The following MAP3K13 variants were observed in gnomAD, a reference collection of about 807,000 sequenced individuals.
The protein encoded by MAP3K13 is mitogen-activated protein kinase kinase kinase 13, also known as leucine zipper-bearing kinase.
MAP3K13 carries 52 observed loss-of-function variants against 104.0 expected under a neutral mutation model. The observed-to-expected ratio is 0.50, with a 90% CI of 0.40 to 0.63. MAP3K13 has a LOEUF of 0.63. Ranked by LOEUF, MAP3K13 falls within the 20% of genes least tolerant of loss-of-function variation. The pLI is 0.00. For synonymous variants in MAP3K13, 394 were observed against 442.2 expected (o/e 0.89, Z 1.37); for missense variants, 914 against 1,218.5 (o/e 0.75, Z 3.72).
Position 185,486,200 on chromosome 3 carries a change from G to T in MAP3K13, c.*3744G>T, listed in dbSNP as rs181163182. 1.3e-4 allele frequency: 20 copies of T among 151,986 alleles called. No homozygotes were observed. The East Asian group carries it at 3.9e-3, about 29-fold the overall frequency. 9.4% of individuals were successfully genotyped at this position (151,986 alleles called of 1,614,324 possible). ...CCCTGATACCTCGTAATTTTGATCA[G>T]TTTTTTTTGAATTCTCATCTTGATT... On this transcript the variant is annotated 3_prime_UTR_variant, in exon 14 of 14. Transcript: ENST00000265026.
At chr3:185,348,928 C>T (rs538274988) in intron 2 of MAP3K13, among the ~76,000 whole-genome samples, 38 of 151,008 alleles carry the variant, frequency 2.5e-4, no homozygotes, top group South Asian at 1.3e-3. Flanking sequence ...AACAAACAAA[C>T]AAATAAATAA....
intron 2 of MAP3K13, among the ~76,000 whole-genome samples, chr3:185,319,634 A>G (rs983919246): frequency 3.9e-5 from 6 of 152,238 alleles, no homozygotes; most frequent in Non-Finnish European, 7.3e-5. Flanking sequence ...TCTAGGCTAG[A>G]TACCAAATTG....
At chr3:185,414,429 C>T (rs1004595809) in intron 1 of MAP3K13, among the ~76,000 whole-genome samples, 1 of 152,180 alleles carries the variant, frequency 6.6e-6, no homozygotes, top group African/African-American at 2.4e-5. Flanking sequence ...TTTGATTCTA[C>T]TCTTACAAAC....
At chr3:185,368,649 T>C (rs191995865) in intron 1 of MAP3K13, among the ~76,000 whole-genome samples, 121 of 151,914 alleles carry the variant, frequency 8.0e-4, no homozygotes, top group Admixed American at 3.1e-3. Context: ...AGAGAATGAT[T>C]GAAGGGAATG....
At chr3:185,342,765 T>A (rs1722766853) in intron 2 of MAP3K13, among the ~76,000 whole-genome samples, 1 of 152,198 alleles carries the variant, frequency 6.6e-6, no homozygotes, top group Non-Finnish European at 1.5e-5. Flanking sequence ...TGCGTAACAA[T>A]ATAATCACAA....
intron 2 of MAP3K13, chr3:185,329,269 C>A: frequency 1.4e-6 from 1 of 702,744 alleles, no homozygotes; most frequent in Non-Finnish European, 2.6e-6. Flanking sequence ...TACCTAGTGC[C>A]GAGAGATTGT....
intron 2 of MAP3K13, among the ~76,000 whole-genome samples, chr3:185,341,854 A>C (rs1021663137): frequency 6.6e-6 from 1 of 152,244 alleles, no homozygotes; most frequent in Non-Finnish European, 1.5e-5. Flanking sequence ...CTGTTTTTAC[A>C]TGACAACAAC....
chr3:185,378,503 T>G (rs976783328), intron 1 of MAP3K13, among the ~76,000 whole-genome samples: 6 of 152,090 alleles, frequency 3.9e-5, no homozygotes, highest in African/African-American at 1.4e-4. Flanking sequence ...GGAATGAAAC[T>G]GTAAGCCAGA....
Position 185,454,626 on chromosome 3 carries a change from GAT to G in MAP3K13, c.1278+3240_1278+3241del, listed in dbSNP as rs1225020725. 1.6e-3 allele frequency among the ~76,000 whole-genome samples: 23 copies of G among 14,258 alleles called. 3 individuals carry two copies. The highest frequency in any genetic ancestry group is 2.0e-3 in the African/African-American group (17 of 8,322). The allele number at this position is 14,258 out of a possible 152,430, so 9.4% of individuals were successfully genotyped here. On this transcript the variant is annotated intron_variant, in intron 7 of 13. Coordinates refer to ENST00000265026, the MANE Select transcript of MAP3K13 (RefSeq NM_004721.5). ...TGAGATATATATGATATATATATGA[GAT>G]ATATATATGAGATATATATATGATA...
exon 2 of MAP3K13, chr3:185,285,533 A>G (rs1054943411): frequency 7.9e-7 from 1 of 1,271,336 alleles, no homozygotes; most frequent in Non-Finnish European, 1.1e-6. Flanking sequence ...AGAACACTGA[A>G]ATCTATGGAC....
rs975087756 is a variant in MAP3K13, at chr3:185,315,204, C to G, written c.-86+29561C>G. ...GGCGGAGGTTGCAGTGAGCTGAGATCGCACCACTGCACTCCAGCCTGGGTG... is the reference window on the plus strand; with the variant it reads ...GGCGGAGGTTGCAGTGAGCTGAGATGGCACCACTGCACTCCAGCCTGGGTG... On this transcript the variant is annotated intron_variant, in intron 2 of 14. Coordinates refer to the MAP3K13 transcript ENST00000424227. The surrounding 1 kb of genome is among the most constrained non-coding windows in gnomAD (Gnocchi z 4.3). 1.3e-5 allele frequency among the ~76,000 whole-genome samples: 2 copies of G among 151,816 alleles called. No individual in the cohort carries two copies. Among genetic ancestry groups the G allele is most frequent in the African/African-American group, 2.4e-5 (1 of 41,324 alleles).
chr3:185,360,308 A>T (rs1723548318), upstream of MAP3K13, among the ~76,000 whole-genome samples: 1 of 152,250 alleles, frequency 6.6e-6, no homozygotes, highest in African/African-American at 2.4e-5. Context: ...TACATTAAAA[A>T]TTCACTTCCT....
intron 2 of MAP3K13, among the ~76,000 whole-genome samples, chr3:185,304,498 G>C (rs1721211627): frequency 6.6e-6 from 1 of 152,096 alleles, no homozygotes; most frequent in Non-Finnish European, 1.5e-5. Context: ...GTGTTCTGCT[G>C]TTACAAATAT....
In MAP3K13 at chr3:185,482,812, A is replaced by C. The variant is rs574784778; in HGVS notation, c.*356A>C. 1.6e-4 allele frequency: 24 copies of C among 146,354 alleles called. No homozygotes were observed. Among genetic ancestry groups the C allele is most frequent in the Non-Finnish European group, 2.8e-4 (21 of 73,790 alleles). 9.1% of individuals were successfully genotyped at this position (146,354 alleles called of 1,614,324 possible). On this transcript the variant is annotated 3_prime_UTR_variant, in exon 14 of 14. Coordinates refer to ENST00000265026, the MANE Select transcript of MAP3K13 (RefSeq NM_004721.5). The surrounding 1 kb of genome is among the most constrained non-coding windows in gnomAD (Gnocchi z 4.5). ...AGATAGAGAGACAATAATTTCTTGC[A>C]AAAAAAAAAAGAGATAAAAGAAAGA...
chr3:185,443,340 T>C, intron 3 of MAP3K13, 105 bp from the exon 4 acceptor site: 1 of 749,160 alleles, frequency 1.3e-6, no homozygotes, highest in East Asian at 2.7e-5. Context: ...TACACATTTT[T>C]AAAATAATTC....
At chr3:185,463,480 C>T (rs1020770045) in intron 7 of MAP3K13, 70 bp from the exon 8 acceptor site, 51 of 853,232 alleles carry the variant, frequency 6.0e-5, no homozygotes, top group South Asian at 3.6e-4. Context: ...AAATCTTGTA[C>T]GTGACTTTAT....
Position 185,427,396 on chromosome 3 carries a change from A to G in MAP3K13, c.-85-1101A>G, listed in dbSNP as rs1295774627. On this transcript the variant is annotated intron_variant, in intron 1 of 13. Transcript: ENST00000265026. ...AGAAAAAAAAACATACTTTGAATAA[A>G]TTTAAGATTGACTATGCGTGATCTG... Among the ~76,000 whole-genome samples the G allele has an allele frequency of 2.0e-5, 3 of 152,188 alleles. No homozygotes were observed. The East Asian group carries it at 5.8e-4, about 29-fold the overall frequency.
chr3:185,431,043 G>T (rs1208206752), intron 2 of MAP3K13, among the ~76,000 whole-genome samples: 2 of 152,092 alleles, frequency 1.3e-5, no homozygotes, highest in African/African-American at 4.8e-5. Flanking sequence ...GACAGAGAAG[G>T]GGCAAGGGCC....
rs1718082295 is a variant in MAP3K13, at chr3:185,475,686, A to G, written c.2431-1640A>G. ...GGCCAATATGGGAAACCCTGTCTCTACTAAAAATACAAAAATTAGCCGGGC... is the reference window on the plus strand; with the variant it reads ...GGCCAATATGGGAAACCCTGTCTCTGCTAAAAATACAAAAATTAGCCGGGC... On this transcript the variant is annotated intron_variant, in intron 11 of 13. Transcript: ENST00000265026. Among the ~76,000 whole-genome samples, 14 of 152,136 alleles carry G rather than the reference A, an allele frequency of 9.2e-5. No homozygotes were observed. In the South Asian group the frequency reaches 2.9e-3, roughly 32 times the overall value.
Sources: allele counts gnomAD v4.1 joint callset (sites outside exome capture counted in the v4.1 genomes callset), GRCh38; gene constraint gnomAD v4.1.1; non-coding constraint Gnocchi (gnomAD v3.1); transcripts MANE v1.5; gene names NCBI Gene and HGNC (gene_info 2026-07-23, HGNC 2026-07-21).